ABCC9: variants seen among roughly 807,000 people sequenced by gnomAD.
The protein encoded by ABCC9 is ATP binding cassette subfamily C member 9.
In ABCC9, 95 loss-of-function variants were observed where a neutral mutation model predicts 188.3. That is an observed-to-expected ratio of 0.50 (90% CI 0.43 to 0.60). The LOEUF is 0.60. Among genes scored for constraint, ABCC9 ranks in the 20% least tolerant of loss-of-function variants. The pLI, the probability that ABCC9 is intolerant of heterozygous loss-of-function variation, is 0.00. For synonymous variants in ABCC9, 659 were observed against 652.7 expected (o/e 1.01, Z -0.15); for missense variants, 1,102 against 1,876.3 (o/e 0.59, Z 7.62).
At position 21,797,727 on chromosome 12, in the gene ABCC9, A is replaced by G. The variant is rs2137067192; in HGVS notation, c.*3317T>C. 6.6e-6 allele frequency: 1 copy of G among 152,320 alleles called. No individual in the cohort carries two copies. The highest frequency in any genetic ancestry group is 1.9e-4 in the East Asian group (1 of 5,178). The allele number at this position is 152,320 out of a possible 1,614,324, so 9.4% of individuals were successfully genotyped here. A position where few individuals can be genotyped will look rare whatever the true frequency, so the allele number is the denominator to read the frequency against. On this transcript the variant is annotated 3_prime_UTR_variant, in exon 40 of 40. Coordinates refer to ENST00000261200, the MANE Select transcript of ABCC9 (RefSeq NM_020297.4). ...AATCTAGAGCTGAGTAGACTTTTAA[A>G]TGGATCATGAGTAAGAGTACAAAAA...
chr12:21,831,012 A>ATCTATCTATCTG lies in ABCC9; in HGVS notation c.3567-1953_3567-1952insCAGATAGATAGA, dbSNP rs1315455527. The ATCTATCTATCTG allele has an allele frequency of 2.1e-5, 3 of 145,640 alleles. No individual in the cohort carries two copies. In the South Asian group the frequency reaches 6.6e-4, roughly 32 times the overall value. 9.0% of individuals were successfully genotyped at this position (145,640 alleles called of 1,614,324 possible). A position where few individuals can be genotyped will look rare whatever the true frequency, so the allele number is the denominator to read the frequency against. ...TATCTATCTATCTATCTATCTATCT[A>ATCTATCTATCTG]TCATCAATCTATCATCTCTCTATAT... On this transcript the variant is annotated intron_variant, in intron 30 of 39. Coordinates refer to ENST00000261200, the MANE Select transcript of ABCC9 (RefSeq NM_020297.4).
Position 21,902,530 on chromosome 12 carries a change from A to G in ABCC9, c.1618+3596T>C, listed in dbSNP as rs192506357. On this transcript the variant is annotated intron_variant, in intron 12 of 39. Transcript: ENST00000261200. ...AGGAGCTGGTTTTTTGAAAAGATCA[A>G]CAAAATAGATAGACCACTAGCAAGA... 3.9e-3 allele frequency among the ~76,000 whole-genome samples: 597 copies of G among 152,352 alleles called. 11 individuals are homozygous for G. The highest frequency in any genetic ancestry group is 2.6e-3 in the Non-Finnish European group (174 of 68,036).
chr12:21,856,369 A>T (rs1945224920), intron 22 of ABCC9, among the ~76,000 whole-genome samples: 2 of 152,106 alleles, frequency 1.3e-5, no homozygotes, highest in African/African-American at 4.8e-5. Context: ...ATATATATGT[A>T]CAGTCTTCAT....
rs765768998 is a variant in ABCC9 at position 21,844,748 on chromosome 12, GAAAT to G, written c.3245+15_3245+18del. The G allele has an allele frequency of 2.5e-6, 4 of 1,613,496 alleles. No individual in the cohort carries two copies. In the East Asian group the frequency reaches 6.7e-5, roughly 27 times the overall value. On this transcript the variant is annotated intron_variant, in intron 27 of 39. Coordinates refer to ENST00000261200, the MANE Select transcript of ABCC9 (RefSeq NM_020297.4). ...TTTATTATTTTATGTGTGGGAGTGA[GAAAT>G]AACCACTGTTTTACCTTATTGGTCC...
At chr12:21,804,346 T>C (rs77505430) in intron 39 of ABCC9, among the ~76,000 whole-genome samples, 1,622 of 152,306 alleles carry the variant, frequency 0.011, 6 homozygotes, top group Middle Eastern at 0.024. Context: ...AACGCCATGC[T>C]TCATGCAGAG....
At chr12:21,922,508 A>C (rs1276833890) in intron 5 of ABCC9, among the ~76,000 whole-genome samples, 3 of 151,910 alleles carry the variant, frequency 2.0e-5, no homozygotes, top group Non-Finnish European at 4.4e-5. Flanking sequence ...ATTGAAAATG[A>C]AATATGAAAT....
intron 8 of ABCC9, among the ~76,000 whole-genome samples, chr12:21,912,671 C>G (rs1948374398): frequency 6.6e-6 from 1 of 151,814 alleles, no homozygotes; most frequent in African/African-American, 2.4e-5. Flanking sequence ...ATTTTGGTGG[C>G]CAGATTCATT....
intron 5 of ABCC9, among the ~76,000 whole-genome samples, chr12:21,922,055 T>G (rs951882071): frequency 2.6e-5 from 4 of 152,078 alleles, no homozygotes; most frequent in Non-Finnish European, 4.4e-5. Context: ...TCTAGGTCTT[T>G]TATGGCTGCC....
In ABCC9 at chr12:21,925,973, G is replaced by A. The variant is rs1238318403; in HGVS notation, c.375C>T (p.Ile125=). The A allele has an allele frequency of 6.8e-6, 11 of 1,613,362 alleles. No homozygotes were observed. The highest frequency in any genetic ancestry group is 1.6e-4 in the Middle Eastern group (1 of 6,062). Residue 125 remains isoleucine, a synonymous_variant, in exon 5 of 40, where the codon ATC becomes ATT. Coordinates refer to ENST00000261200, the MANE Select transcript of ABCC9 (RefSeq NM_020297.4). The part of the protein sequence containing the change: ...TTTSIVYYHN[I]ETSNFPKLLL... The stretch of plus-strand genomic sequence containing the variant: ...GTAATTTAGGAAAATTTGATGTTTC[G>A]ATATTATGATAATACACTATCGATG...
chr12:21,913,892 G>C (rs1948429580), intron 7 of ABCC9, among the ~76,000 whole-genome samples: 1 of 152,058 alleles, frequency 6.6e-6, no homozygotes, highest in Non-Finnish European at 1.5e-5. Flanking sequence ...TAAATAATTT[G>C]TTTTCCAAAG....
chr12:21,911,860 A>G (rs557432609), intron 8 of ABCC9, among the ~76,000 whole-genome samples: 6 of 151,738 alleles, frequency 4.0e-5, no homozygotes, highest in Non-Finnish European at 7.4e-5. Context: ...ACAAAACATC[A>G]CCAAAGTGTA....
intron 18 of ABCC9, among the ~76,000 whole-genome samples, chr12:21,870,122 A>G (rs903236148): frequency 6.6e-6 from 1 of 152,158 alleles, no homozygotes; most frequent in African/African-American, 2.4e-5. Context: ...ATAATCTAGT[A>G]TTATATTCTG....
chr12:21,852,317 T>C, intron 23 of ABCC9, 51 bp downstream of exon 23: 2 of 1,612,692 alleles, frequency 1.2e-6, no homozygotes, highest in East Asian at 4.5e-5. Flanking sequence ...ACTGTCTCTA[T>C]TTATATGACT....
Position 21,844,483 on chromosome 12 carries a change from C to G in ABCC9, c.3315G>C (p.Gln1105His), listed in dbSNP as rs761902896. The change falls in exon 28 of 40, where the codon CAG becomes CAC. Residue 1105 changes from glutamine (Q) to histidine (H), a missense_variant and splice_region_variant. By Grantham distance (24) the Gln-to-His change is conservative (BLOSUM62 0). This residue lies in a region of ABCC9 where 74 missense variants were observed against 132.7 expected (regional missense o/e 0.56). Coordinates refer to ENST00000261200, the MANE Select transcript of ABCC9 (RefSeq NM_020297.4). ...RFSADTNIID[Q>H]HIPPTLESLT... is the part of the protein sequence containing the mutation. ...ACTTGGAAGTAACCCAGTTACTCAC[C>G]TGATCAATGATATTAGTATCAGCTG... 1 of 1,612,982 alleles carries G rather than the reference C, an allele frequency of 6.2e-7. No individual in the cohort carries two copies. Among genetic ancestry groups the G allele is most frequent in the South Asian group, 1.1e-5 (1 of 91,052 alleles).
intron 22 of ABCC9, among the ~76,000 whole-genome samples, chr12:21,858,461 C>A: frequency 6.6e-6 from 1 of 151,666 alleles, no homozygotes; most frequent in Non-Finnish European, 1.5e-5. Context: ...CACCTGTAAT[C>A]CCAGCTACTC....
rs1941391821 is a variant in ABCC9, at chr12:21,800,841, C to A, written c.*203G>T. The stretch of plus-strand genomic sequence containing the variant: ...ATTCTTAAAGCTAGAGTGGCTGGAT[C>A]ACTATAAAAACATCAATAATGAACA... On this transcript the variant is annotated 3_prime_UTR_variant, in exon 40 of 40. Transcript: ENST00000261200. The A allele has an allele frequency of 3.4e-6, 2 of 591,740 alleles. No individual in the cohort carries two copies. Among genetic ancestry groups the A allele is most frequent in the Admixed American group, 6.0e-5 (2 of 33,090 alleles). 36.7% of individuals were successfully genotyped at this position (591,740 alleles called of 1,614,324 possible). A position where few individuals can be genotyped will look rare whatever the true frequency, so the allele number is the denominator to read the frequency against.
At chr12:21,816,274 G>T (rs1199100337) in intron 33 of ABCC9, among the ~76,000 whole-genome samples, 4 of 151,728 alleles carry the variant, frequency 2.6e-5, no homozygotes, top group South Asian at 2.1e-4. Context: ...TAAACACTTA[G>T]GTGCTTTAAA....
chr12:21,926,757 G>C (rs1298481241), intron 4 of ABCC9, among the ~76,000 whole-genome samples: 2 of 152,070 alleles, frequency 1.3e-5, no homozygotes, highest in Non-Finnish European at 2.9e-5. Flanking sequence ...CAGGCAGAGG[G>C]GCCAATGTGT....
intron 22 of ABCC9, among the ~76,000 whole-genome samples, chr12:21,855,669 A>G (rs1053893404): frequency 1.3e-5 from 2 of 152,216 alleles, no homozygotes; most frequent in Middle Eastern, 3.2e-3. Context: ...AAATGGGGAT[A>G]ATAAAGAGGC....
Sources: allele counts gnomAD v4.1 joint callset (sites outside exome capture counted in the v4.1 genomes callset), GRCh38; gene constraint gnomAD v4.1.1; regional missense constraint gnomAD v4.1.1; transcripts MANE v1.5; gene names NCBI Gene and HGNC (gene_info 2026-07-23, HGNC 2026-07-21).